The following PCDH15 variants were observed in gnomAD, a reference collection of about 807,000 sequenced individuals.
PCDH15 encodes the protein protocadherin-15.
In PCDH15, 129 loss-of-function variants were observed where a neutral mutation model predicts 178.5. The observed-to-expected ratio is 0.72, with a 90% CI of 0.63 to 0.84. The LOEUF (loss-of-function observed/expected upper bound fraction) is 0.84. Ranked by LOEUF, PCDH15 falls within the 40% of genes least tolerant of loss-of-function variation. The pLI is 0.00. For missense variants in PCDH15, 2,230 were observed against 2,099.9 expected (o/e 1.06, Z -1.21); for synonymous variants, 800 against 732.0 (o/e 1.09, Z -1.50).
chr10:53,865,784 C>CTTGT (rs779845891), intron 27 of PCDH15, among the ~76,000 whole-genome samples: 1 of 151,940 alleles, frequency 6.6e-6, no homozygotes, highest in Non-Finnish European at 1.5e-5. Flanking sequence ...GAAGGTTACG[C>CTTGT]TTGTCCAGGG....
intron 8 of PCDH15, among the ~76,000 whole-genome samples, chr10:54,291,549 G>A (rs2059406521): frequency 6.6e-6 from 1 of 152,014 alleles, no homozygotes; most frequent in African/African-American, 2.4e-5. Flanking sequence ...TTTTTGAAAG[G>A]ACCAACAAAA....
At chr10:54,295,732 G>T (rs1433553906) in intron 8 of PCDH15, among the ~76,000 whole-genome samples, 1 of 152,164 alleles carries the variant, frequency 6.6e-6, no homozygotes, top group Non-Finnish European at 1.5e-5. Flanking sequence ...GACACATTTG[G>T]CAACCACGAA....
At chr10:54,240,517 A>C (rs1401067697) in intron 8 of PCDH15, among the ~76,000 whole-genome samples, 2 of 151,904 alleles carry the variant, frequency 1.3e-5, no homozygotes, top group Non-Finnish European at 2.9e-5. Flanking sequence ...CTTTAAACCT[A>C]GAGTACCAAT....
At chr10:54,962,434 A>G (rs907047972) in intron 2 of PCDH15, among the ~76,000 whole-genome samples, 5 of 151,940 alleles carry the variant, frequency 3.3e-5, no homozygotes, top group African/African-American at 1.2e-4. Context: ...ACAACAGGCG[A>G]TGAGAAGGAG....
intron 8 of PCDH15, among the ~76,000 whole-genome samples, chr10:54,307,096 GTGTGTGTGTATATA>G (rs2060574632): frequency 2.8e-4 from 3 of 10,552 alleles, no homozygotes; most frequent in African/African-American, 1.7e-3. Flanking sequence ...ATATATATGT[GTGTGTGTGTATATA>G]TATATATATA....
intron 14 of PCDH15, among the ~76,000 whole-genome samples, chr10:54,148,925 A>G (rs1288531086): frequency 1.3e-5 from 2 of 151,926 alleles, no homozygotes; most frequent in Non-Finnish European, 2.9e-5. Context: ...TCTTTCCAAG[A>G]ATTCCTCCTA....
intron 27 of PCDH15, among the ~76,000 whole-genome samples, chr10:53,861,493 T>C (rs1224908099): frequency 1.3e-5 from 2 of 152,126 alleles, no homozygotes; most frequent in African/African-American, 4.8e-5. Context: ...TTTCTTTTCT[T>C]TCTTCCTCTA....
intron 15 of PCDH15, among the ~76,000 whole-genome samples, chr10:54,130,001 G>C (rs1403894779): frequency 6.6e-6 from 1 of 152,144 alleles, no homozygotes; most frequent in Admixed American, 6.5e-5. Flanking sequence ...ACATGAAAGG[G>C]TAATTTGGAA....
chr10:54,756,207 G>A (rs1947089884), intron 1 of PCDH15, among the ~76,000 whole-genome samples: 3 of 151,830 alleles, frequency 2.0e-5, no homozygotes, highest in Admixed American at 6.6e-5. Flanking sequence ...CCGAGATCAC[G>A]CCATTGCACT....
intron 2 of PCDH15, among the ~76,000 whole-genome samples, chr10:54,940,583 G>T (rs1475019357): frequency 2.6e-5 from 4 of 152,052 alleles, no homozygotes; most frequent in African/African-American, 9.7e-5. Context: ...AGTCTTCTAT[G>T]TCTTTATTGA....
At chr10:55,156,739 T>A (rs1838901420) in intron 2 of PCDH15, among the ~76,000 whole-genome samples, 1 of 151,892 alleles carries the variant, frequency 6.6e-6, no homozygotes, top group Admixed American at 6.6e-5. Flanking sequence ...AGAGGGGGAG[T>A]TTGTAACCTA....
At chr10:54,880,325 A>G (rs1954239733) in intron 3 of PCDH15, among the ~76,000 whole-genome samples, 1 of 152,112 alleles carries the variant, frequency 6.6e-6, no homozygotes, top group South Asian at 2.1e-4. Flanking sequence ...TCTGCATAAA[A>G]GATTTTTCAG....
intron 1 of PCDH15, among the ~76,000 whole-genome samples, chr10:54,679,249 G>A (rs1028131611): frequency 6.8e-6 from 1 of 146,388 alleles, no homozygotes; most frequent in African/African-American, 2.5e-5. Flanking sequence ...ATAGTAGATT[G>A]TCCAATATTT....
intron 18 of PCDH15, among the ~76,000 whole-genome samples, chr10:54,044,903 T>G (rs142016361): frequency 1.3e-5 from 2 of 152,168 alleles, no homozygotes; most frequent in African/African-American, 2.4e-5. Context: ...ACACTGACTA[T>G]TCTGACTTTG....
intron 2 of PCDH15, among the ~76,000 whole-genome samples, chr10:55,008,178 C>G (rs530594353): frequency 2.6e-5 from 4 of 151,976 alleles, no homozygotes; most frequent in African/African-American, 9.6e-5. Flanking sequence ...AGTCAATAGT[C>G]TACTTGAGAA....
At chr10:54,902,880 G>C (rs970295992) in intron 2 of PCDH15, among the ~76,000 whole-genome samples, 13 of 152,074 alleles carry the variant, frequency 8.5e-5, no homozygotes, top group African/African-American at 3.1e-4. Flanking sequence ...AGGCAGTTTT[G>C]TGCTGCAATT....
chr10:54,496,688 C>T (rs1156642692), intron 3 of PCDH15, among the ~76,000 whole-genome samples: 2 of 152,134 alleles, frequency 1.3e-5, no homozygotes, highest in Non-Finnish European at 2.9e-5. Flanking sequence ...CAACTCTGAA[C>T]ACTGCGATGA....
chr10:55,088,097 T>G (rs1011118786), intron 2 of PCDH15, among the ~76,000 whole-genome samples: 27 of 152,150 alleles, frequency 1.8e-4, no homozygotes, highest in Admixed American at 3.3e-4. Context: ...TTCTTAATTC[T>G]AATACACATA....
chr10:55,518,962 C>T (rs564447698), intron 2 of PCDH15, among the ~76,000 whole-genome samples: 17 of 151,720 alleles, frequency 1.1e-4, no homozygotes, highest in Admixed American at 4.6e-4. Context: ...GGCATGGTGT[C>T]GTGCGCCTGT....
Sources: gnomAD v4.1 joint callset for allele counts (sites outside exome capture counted in the v4.1 genomes callset) on GRCh38, gnomAD v4.1.1 for gene constraint, MANE v1.5 for transcripts, NCBI Gene and HGNC (gene_info 2026-07-23, HGNC 2026-07-21) for gene names.